CAMTA2: variants seen among roughly 807,000 people sequenced by gnomAD.
CAMTA2 encodes the protein calmodulin binding transcription activator 2.
In CAMTA2, 56 loss-of-function variants were observed where a neutral mutation model predicts 135.7. That is an observed-to-expected ratio of 0.41 (90% CI 0.33 to 0.52). CAMTA2 has a LOEUF of 0.52. Ranked by LOEUF, CAMTA2 falls within the 20% of genes least tolerant of loss-of-function variation. CAMTA2 has a pLI of 0.16. For synonymous variants in CAMTA2, 591 were observed against 604.6 expected (o/e 0.98, Z 0.33); for missense variants, 1,358 against 1,553.4 (o/e 0.87, Z 2.11).
At position 4,973,164 on chromosome 17, in the gene CAMTA2, G is replaced by A. The variant is rs371233767; in HGVS notation, c.2280+11C>T. The stretch of plus-strand genomic sequence containing the variant: ...CTGCCCCATATGCGCTCAGGAATCC[G>A]TCATCCTCACCAGAGGGGTGCAAGA... On this transcript the variant is annotated intron_variant, in intron 14 of 22. Coordinates refer to ENST00000348066, the MANE Select transcript of CAMTA2 (RefSeq NM_015099.4). 23 of 1,610,816 alleles carry A rather than the reference G, an allele frequency of 1.4e-5. No homozygotes were observed. In the African/African-American group the frequency reaches 2.3e-4, roughly 16 times the overall value.
intron 10 of CAMTA2, 28 bp from the exon 11 acceptor site, chr17:4,977,220 G>A: frequency 6.2e-7 from 1 of 1,606,216 alleles, no homozygotes; most frequent in Non-Finnish European, 8.5e-7. Context: ...AGCGAGAAGG[G>A]CTCTCTTTCC....
Position 4,977,212 on chromosome 17 carries a change from C to T in CAMTA2, c.1766-20G>A, listed in dbSNP as rs780370994. The stretch of plus-strand genomic sequence containing the variant: ...CATGGGCTGGAGAGGGTAGGATCAG[C>T]GAGAAGGGCTCTCTTTCCCTGGCTC... On this transcript the variant is annotated intron_variant, in intron 10 of 22. Coordinates refer to ENST00000348066, the MANE Select transcript of CAMTA2 (RefSeq NM_015099.4). 6.2e-6 allele frequency: 10 copies of T among 1,609,036 alleles called. No homozygotes were observed. The highest frequency in any genetic ancestry group is 5.0e-5 in the Admixed American group (3 of 59,580).
intron 9 of CAMTA2, among the ~76,000 whole-genome samples, chr17:4,979,080 C>G (rs1201717395): frequency 6.6e-6 from 1 of 152,222 alleles, no homozygotes. Flanking sequence ...TTCCCTACCC[C>G]TGAAAACAGT....
At chr17:4,975,010 C>T (rs57394546) in intron 11 of CAMTA2, among the ~76,000 whole-genome samples, 4,709 of 152,212 alleles carry the variant, frequency 0.031, 236 homozygotes, top group African/African-American at 0.11. Flanking sequence ...TCCACAAAGA[C>T]GATGGTGGGG....
intron 6 of CAMTA2, 52 bp downstream of exon 6, chr17:4,982,037 G>C (rs1972990706): frequency 5.7e-6 from 8 of 1,413,208 alleles, no homozygotes; most frequent in Non-Finnish European, 7.0e-6. Flanking sequence ...TCAGACCCGT[G>C]TCCCTCAAAG....
At chr17:4,981,623 G>A in intron 7 of CAMTA2, 55 bp downstream of exon 7, 1 of 1,523,332 alleles carries the variant, frequency 6.6e-7, no homozygotes, top group South Asian at 1.2e-5. Context: ...TGGCCCCTCT[G>A]GGAGCCCTGT....
rs184703314 is a variant in CAMTA2 at position 4,980,146 on chromosome 17, C to T, written c.1176G>A (p.Gly392=). The T allele has an allele frequency of 1.3e-6, 2 of 1,592,598 alleles. No homozygotes were observed. The highest frequency in any genetic ancestry group is 2.2e-5 in the East Asian group (1 of 44,716). Residue 392 remains glycine (G), a synonymous_variant, in exon 9 of 23, where the codon GGG becomes GGA. Coordinates refer to ENST00000348066, the MANE Select transcript of CAMTA2 (RefSeq NM_015099.4). The surrounding 1 kb of genome is among the most constrained non-coding windows in gnomAD (Gnocchi z 5.3). The part of the protein sequence containing the change: ...NSPQRGQTYG[G]GQGVSPDFPE... The stretch of plus-strand genomic sequence containing the variant: ...GGAAGTCTGGGCTTACTCCCTGCCC[C>T]CCTCCATATGTCTGGCCCCTCTGGG...
rs1178621886 is a variant in CAMTA2, at chr17:4,970,353, A to G, written c.2992T>C (p.Ser998Pro). The change falls in exon 17 of 23, where the codon TCA becomes CCA. Residue 998 changes from serine to proline, a missense_variant. Physicochemically the swap from Ser to Pro is moderately conservative, Grantham distance 74. This residue lies in a region of CAMTA2 where 1,077 missense variants were observed against 1,127.5 expected (regional missense o/e 0.96). Coordinates refer to ENST00000348066, the MANE Select transcript of CAMTA2 (RefSeq NM_015099.4). ...YLENVDHFPSSTPPSELPFER... is the reference protein window; with the variant it reads ...YLENVDHFPSPTPPSELPFER... ...TGAGCTAGTCACCTGGGAGGGGTTG[A>G]GCTGGGGAAATGGTCCACATTCTCC... The G allele has an allele frequency of 1.9e-6, 3 of 1,614,056 alleles. No individual in the cohort carries two copies. The Admixed American group carries it at 5.0e-5, about 27-fold the overall frequency.
Position 4,968,912 on chromosome 17 carries a change from T to C in CAMTA2, c.3540A>G (p.Arg1180=). ...RKIMRFLRRC[R]HRMRELKQNQ... ...GGGGGAGAAGGGATGAGTACCTGTG[T>C]CGGCAGCGCCGCAGGAATCTCATGA... The change falls in exon 22 of 23, where the codon CGA becomes CGG. Residue 1180 remains arginine (R), a synonymous_variant. Coordinates refer to ENST00000348066, the MANE Select transcript of CAMTA2 (RefSeq NM_015099.4). 6.2e-7 allele frequency: 1 copy of C among 1,614,116 alleles called. No homozygotes were observed. The highest frequency in any genetic ancestry group is 8.5e-7 in the Non-Finnish European group (1 of 1,179,972).
At chr17:4,972,721 ATCC>A (rs1250151090) in intron 15 of CAMTA2, 45 bp downstream of exon 15, 3 of 1,570,750 alleles carry the variant, frequency 1.9e-6, no homozygotes, top group Admixed American at 1.7e-5. Flanking sequence ...GTCCTGGCCT[ATCC>A]TCCTACCTAC....
intron 5 of CAMTA2, 22 bp from the exon 6 acceptor site, chr17:4,982,182 TG>T: frequency 8.4e-5 from 45 of 534,290 alleles, no homozygotes; most frequent in Non-Finnish European, 1.5e-4. Flanking sequence ...CAGGCTGGGG[TG>T]GGGGGAGGGC....
Position 4,969,106 on chromosome 17 carries a change from G to C in CAMTA2, c.3470+44C>G. 6.3e-7 allele frequency: 1 copy of C among 1,584,182 alleles called. No individual in the cohort carries two copies. Among genetic ancestry groups the C allele is most frequent in the Non-Finnish European group, 8.6e-7 (1 of 1,162,286 alleles). On this transcript the variant is annotated intron_variant, in intron 21 of 22. Coordinates refer to ENST00000348066, the MANE Select transcript of CAMTA2 (RefSeq NM_015099.4). This position sits in a 1 kb window ranked among gnomAD's most constrained non-coding sequence, Gnocchi z 5.6. ...AAGAGGATGAGTAAGGGGGAATGGCGTGGATGCAGTGGGTGGGCACAGAGG... is the reference window on the plus strand; with the variant it reads ...AAGAGGATGAGTAAGGGGGAATGGCCTGGATGCAGTGGGTGGGCACAGAGG...
Position 4,987,631 on chromosome 17 carries a change from C to T in CAMTA2, c.-103G>A. 6 of 1,525,718 alleles carry T rather than the reference C, an allele frequency of 3.9e-6. No individual in the cohort carries two copies. The highest frequency in any genetic ancestry group is 4.4e-6 in the Non-Finnish European group (5 of 1,141,922). The allele number at this position is 1,525,718 out of a possible 1,614,324, so 94.5% of individuals were successfully genotyped here. A position where few individuals can be genotyped will look rare whatever the true frequency, so the allele number is the denominator to read the frequency against. On this transcript the variant is annotated 5_prime_UTR_variant, in exon 1 of 23. Transcript: ENST00000348066. ...GCGGGTGACGGCGGCAGCGGCCATT[C>T]TACCCCACACCGACCCCCCCCAGCG...
chr17:4,972,150 C>CT (rs1972330186), intron 16 of CAMTA2, 82 bp downstream of exon 16: 2 of 1,241,518 alleles, frequency 1.6e-6, no homozygotes, highest in Admixed American at 4.2e-5. Flanking sequence ...TGAAGCCAGA[C>CT]TTTGATTCTG....
chr17:4,976,973 C>T, intron 11 of CAMTA2, 85 bp downstream of exon 11: 1 of 1,324,062 alleles, frequency 7.6e-7, no homozygotes, highest in South Asian at 1.5e-5. Flanking sequence ...TCAGTGATGG[C>T]CACCTGAACC....
chr17:4,987,399 C>G (rs984525621), intron 1 of CAMTA2, 194 bp downstream of exon 1: 3 of 1,369,382 alleles, frequency 2.2e-6, no homozygotes, highest in Admixed American at 3.7e-5. Flanking sequence ...CAGTCCCCGG[C>G]ACGCGCTGGT....
rs1972103634 is a variant in CAMTA2 at position 4,969,193 on chromosome 17, C to T, written c.3427G>A (p.Gly1143Ser). The change falls in exon 21 of 23, where the codon GGC (glycine) becomes AGC (serine). Residue 1143 changes from glycine to serine, a missense_variant. Physicochemically the swap from Gly to Ser is moderately conservative, Grantham distance 56 (BLOSUM62 0). Transcript: ENST00000348066. The surrounding 1 kb of genome is among the most constrained non-coding windows in gnomAD (Gnocchi z 5.6). ...QHYRSYRRRP[G>S]PPHRTSATLP... ...GTGGCCGAAGTCCGGTGGGGAGGGC[C>T]GGGCCTGCGGCGGTAGGAGCGGTAG... is the stretch of plus-strand genomic sequence containing the variant. 9 of 1,611,318 alleles carry T rather than the reference C, an allele frequency of 5.6e-6. No homozygotes were observed. The highest frequency in any genetic ancestry group is 7.6e-6 in the Non-Finnish European group (9 of 1,179,642).
chr17:4,969,072 A>G lies in CAMTA2; in HGVS notation c.3470+78T>C. 1 of 1,580,968 alleles carries G rather than the reference A, an allele frequency of 6.3e-7. No individual in the cohort carries two copies. Among genetic ancestry groups the G allele is most frequent in the South Asian group, 1.1e-5 (1 of 89,952 alleles). On this transcript the variant is annotated intron_variant, in intron 21 of 22. Coordinates refer to ENST00000348066, the MANE Select transcript of CAMTA2 (RefSeq NM_015099.4). This position sits in a 1 kb window ranked among gnomAD's most constrained non-coding sequence, Gnocchi z 5.6. The stretch of plus-strand genomic sequence containing the variant: ...CCTAGGCAGGGAATGGCAGTGAGGC[A>G]TGATGATCAAGAGGATGAGTAAGGG...
intron 8 of CAMTA2, 82 bp downstream of exon 8, chr17:4,981,143 A>C: frequency 6.6e-7 from 1 of 1,514,672 alleles, no homozygotes; most frequent in Non-Finnish European, 9.0e-7. Context: ...TGCAAATCCC[A>C]TCAAGATGGA....
Sources: gnomAD v4.1 joint callset for allele counts (sites outside exome capture counted in the v4.1 genomes callset) on GRCh38, gnomAD v4.1.1 for gene constraint, gnomAD v4.1.1 regional missense constraint, Gnocchi (gnomAD v3.1) non-coding constraint, MANE v1.5 for transcripts, NCBI Gene and HGNC (gene_info 2026-07-23, HGNC 2026-07-21) for gene names.